Variants in DGKG observed in about 807,000 individuals in gnomAD.
The protein encoded by DGKG is diacylglycerol kinase gamma.
DGKG carries 78 observed loss-of-function variants against 105.3 expected under a neutral mutation model. That is an observed-to-expected ratio of 0.74 (90% CI 0.62 to 0.89). DGKG has a LOEUF of 0.89. DGKG is among the 40% of genes least tolerant of loss of function. The pLI, the probability that DGKG is intolerant of heterozygous loss-of-function variation, is 0.00. For missense variants in DGKG, 958 were observed against 1,020.1 expected (o/e 0.94, Z 0.83); for synonymous variants, 346 against 367.1 (o/e 0.94, Z 0.66).
intron 20 of DGKG, among the ~76,000 whole-genome samples, chr3:186,236,287 T>G (rs763009939): frequency 1.3e-5 from 2 of 152,270 alleles, no homozygotes; most frequent in Non-Finnish European, 2.9e-5. Context: ...CTGTGATAAC[T>G]GAATCCAATT....
At chr3:186,337,862 T>C (rs1578852964) in intron 1 of DGKG, among the ~76,000 whole-genome samples, 1 of 152,132 alleles carries the variant, frequency 6.6e-6, no homozygotes, top group Non-Finnish European at 1.5e-5. Context: ...AAGATCTTTT[T>C]CAAAATTTTA....
At chr3:186,209,088 C>CT (rs1560096022) in intron 21 of DGKG, among the ~76,000 whole-genome samples, 4 of 124,888 alleles carry the variant, frequency 3.2e-5, no homozygotes, top group African/African-American at 1.0e-4. Flanking sequence ...CTTCAGTTTA[C>CT]TCTTCTTTTT....
Position 186,284,736 on chromosome 3 carries a change from G to C in DGKG, c.545-27C>G. On this transcript the variant is annotated intron_variant, in intron 6 of 24. Coordinates refer to ENST00000265022, the MANE Select transcript of DGKG (RefSeq NM_001346.3). The surrounding 1 kb of genome is among the most constrained non-coding windows in gnomAD (Gnocchi z 4.0). ...TGTAAGAAACACAGAGGTAAGCCTTGAGGTGTCCTCTAAGAAGCGCGGATG... is the reference window on the plus strand; with the variant it reads ...TGTAAGAAACACAGAGGTAAGCCTTCAGGTGTCCTCTAAGAAGCGCGGATG... 6.2e-7 allele frequency: 1 copy of C among 1,608,904 alleles called. No homozygotes were observed. The highest frequency in any genetic ancestry group is 8.5e-7 in the Non-Finnish European group (1 of 1,175,374).
rs754321425 is a variant in DGKG at position 186,361,095 on chromosome 3, C to T, written c.-249+851G>A. ...GGGTCTCGACCGCCACCCTGAGTTC[C>T]GCAGCTCATCCCTCCCATCTGGGAG... On this transcript the variant is annotated intron_variant, in intron 1 of 24. Coordinates refer to ENST00000265022, the MANE Select transcript of DGKG (RefSeq NM_001346.3). The surrounding 1 kb of genome is among the most constrained non-coding windows in gnomAD (Gnocchi z 6.8). 6.6e-6 allele frequency among the ~76,000 whole-genome samples: 1 copy of T among 152,202 alleles called. No individual in the cohort carries two copies. Among genetic ancestry groups the T allele is most frequent in the Non-Finnish European group, 1.5e-5 (1 of 68,024 alleles).
intron 1 of DGKG, among the ~76,000 whole-genome samples, chr3:186,344,385 C>T (rs1726230783): frequency 7.7e-6 from 1 of 129,580 alleles, no homozygotes; most frequent in Non-Finnish European, 1.6e-5. Flanking sequence ...TACATATACA[C>T]CATGGAATAT....
intron 24 of DGKG, among the ~76,000 whole-genome samples, chr3:186,157,421 A>T (rs1716086931): frequency 1.3e-5 from 2 of 151,974 alleles, no homozygotes; most frequent in Non-Finnish European, 2.9e-5. Flanking sequence ...TATAGTCTAT[A>T]GTCTTCTATT....
intron 22 of DGKG, among the ~76,000 whole-genome samples, chr3:186,183,935 T>C (rs1024134689): frequency 6.6e-6 from 1 of 152,070 alleles, no homozygotes; most frequent in South Asian, 2.1e-4. Context: ...AACTCCCAAC[T>C]TCAGGTGATC....
chr3:186,268,660 T>TGA, intron 12 of DGKG, 141 bp downstream of exon 12: 1 of 616,538 alleles, frequency 1.6e-6, no homozygotes, highest in Admixed American at 2.7e-5. Context: ...CTGAGGGCAT[T>TGA]GAATAGGCGC....
In DGKG at chr3:186,343,933, A is replaced by G. The variant is rs1726206634; in HGVS notation, c.-249+18013T>C. 2.6e-5 allele frequency among the ~76,000 whole-genome samples: 4 copies of G among 152,280 alleles called. No individual in the cohort carries two copies. In the South Asian group the frequency reaches 8.3e-4, roughly 32 times the overall value. ...ACAATACTGTTTTCCCTGGTTACCT[A>G]GTATTTTATTGTGTAAATAGACATA... is the stretch of plus-strand genomic sequence containing the variant. On this transcript the variant is annotated intron_variant, in intron 1 of 24. Transcript: ENST00000265022.
intron 2 of DGKG, among the ~76,000 whole-genome samples, chr3:186,316,059 G>A (rs1724803115): frequency 6.6e-6 from 1 of 152,246 alleles, no homozygotes; most frequent in South Asian, 2.1e-4. Flanking sequence ...TGGAGAAAGA[G>A]GTTCCATGAA....
intron 21 of DGKG, among the ~76,000 whole-genome samples, chr3:186,207,723 A>T (rs1173042215): frequency 6.6e-6 from 1 of 152,198 alleles, no homozygotes; most frequent in Non-Finnish European, 1.5e-5. Context: ...GGCCCTGGCC[A>T]TGTGTCTACA....
intron 19 of DGKG, 114 bp downstream of exon 19, chr3:186,251,645 T>A: frequency 8.0e-7 from 1 of 1,242,824 alleles, no homozygotes. Flanking sequence ...AACTCAGGGC[T>A]GGGGGGGCAG....
Position 186,253,156 on chromosome 3 carries a change from G to A in DGKG, c.1537C>T (p.Pro513Ser), listed in dbSNP as rs888960440. ...IDKANFAKHP[P>S]VAVLPLGTGN... ...GTTCCAAGAGGCAGGACAGCCACTG[G>A]TGGATGCTTTGCAAAGTTGGCCTTA... The change falls in exon 18 of 25, where the codon CCA becomes TCA. Residue 513 changes from proline to serine, a missense_variant. Physicochemically the swap from Pro to Ser is moderately conservative, Grantham distance 74. Transcript: ENST00000265022. The A allele has an allele frequency of 6.2e-6, 10 of 1,614,214 alleles. No individual in the cohort carries two copies. Among genetic ancestry groups the A allele is most frequent in the Non-Finnish European group, 8.5e-6 (10 of 1,180,036 alleles).
intron 14 of DGKG, among the ~76,000 whole-genome samples, chr3:186,264,539 C>T (rs1427527741): frequency 1.3e-5 from 2 of 152,236 alleles, no homozygotes; most frequent in Non-Finnish European, 2.9e-5. Context: ...GCTGCGATGA[C>T]AGGCGTGAGC....
At chr3:186,300,744 T>C (rs1470657083) in intron 3 of DGKG, among the ~76,000 whole-genome samples, 1 of 152,196 alleles carries the variant, frequency 6.6e-6, no homozygotes, top group Non-Finnish European at 1.5e-5. Context: ...TACTAAATGA[T>C]CTAATAAAAA....
chr3:186,275,740 G>A (rs1722552063), intron 9 of DGKG, 76 bp from the exon 10 acceptor site: 3 of 940,166 alleles, frequency 3.2e-6, no homozygotes, highest in Middle Eastern at 3.3e-4. Flanking sequence ...CCTCTTGCAT[G>A]TTCTTCCTTT....
intron 22 of DGKG, among the ~76,000 whole-genome samples, chr3:186,182,453 G>A (rs1240442333): frequency 2.0e-5 from 3 of 152,188 alleles, no homozygotes; most frequent in Non-Finnish European, 4.4e-5. Context: ...TCTTGTAAGT[G>A]TTGAAATGGA....
chr3:186,340,778 C>G, intron 1 of DGKG, among the ~76,000 whole-genome samples: 1 of 152,124 alleles, frequency 6.6e-6, no homozygotes, highest in Admixed American at 6.6e-5. Flanking sequence ...CTTTATTTAC[C>G]TTTAGTCTCC....
intron 4 of DGKG, 106 bp downstream of exon 4, chr3:186,297,958 G>T: frequency 2.2e-6 from 3 of 1,340,506 alleles, no homozygotes; most frequent in South Asian, 1.4e-5. Context: ...TCGCACCGTT[G>T]GGGCAGTTAC....
Sources: gnomAD v4.1 joint callset for allele counts (sites outside exome capture counted in the v4.1 genomes callset) on GRCh38, gnomAD v4.1.1 for gene constraint, Gnocchi (gnomAD v3.1) non-coding constraint, MANE v1.5 for transcripts, NCBI Gene and HGNC (gene_info 2026-07-23, HGNC 2026-07-21) for gene names.